The following ARHGAP28 variants were observed in gnomAD, a reference collection of about 807,000 sequenced individuals.
ARHGAP28 encodes the protein Rho GTPase activating protein 28.
In ARHGAP28, 56 loss-of-function variants were observed where a neutral mutation model predicts 90.7. The ratio of observed to expected loss-of-function variants is 0.62; its 90% CI spans 0.50 to 0.77. The LOEUF (loss-of-function observed/expected upper bound fraction) is 0.77, where lower values mean the gene tolerates loss of function less well. ARHGAP28 is among the 30% of genes least tolerant of loss of function. The pLI, the probability that ARHGAP28 is intolerant of heterozygous loss-of-function variation, is 0.00. For missense variants in ARHGAP28, 869 were observed against 900.9 expected (o/e 0.96, Z 0.45); for synonymous variants, 308 against 323.3 (o/e 0.95, Z 0.51).
At chr18:6,731,431 A>G (rs1243838334) in intron 1 of ARHGAP28, among the ~76,000 whole-genome samples, 1 of 152,138 alleles carries the variant, frequency 6.6e-6, no homozygotes, top group East Asian at 1.9e-4. Flanking sequence ...CATTTGGGCA[A>G]TTTGAAACTA....
intron 4 of ARHGAP28, among the ~76,000 whole-genome samples, chr18:6,859,446 T>C (rs1425104824): frequency 1.3e-5 from 2 of 152,218 alleles, no homozygotes; most frequent in Admixed American, 6.5e-5. Context: ...ATAAATACAC[T>C]TGGTAAAGTT....
At chr18:6,896,792 T>A (rs1378682514) in intron 16 of ARHGAP28, 166 bp downstream of exon 16, 1 of 737,716 alleles carries the variant, frequency 1.4e-6, no homozygotes, top group Non-Finnish European at 2.0e-6. Context: ...AGTTAGTAGA[T>A]ATATGATTGC....
At chr18:6,867,087 T>C (rs2143471404) in intron 5 of ARHGAP28, among the ~76,000 whole-genome samples, 1 of 152,296 alleles carries the variant, frequency 6.6e-6, no homozygotes, top group South Asian at 2.1e-4. Flanking sequence ...TTTGTCATTC[T>C]TCCACCAATT....
intron 5 of ARHGAP28, among the ~76,000 whole-genome samples, chr18:6,862,561 C>G (rs752535165): frequency 4.6e-5 from 7 of 152,188 alleles, no homozygotes; most frequent in Non-Finnish European, 1.0e-4. Flanking sequence ...ATGTCTGTCT[C>G]TATGGTTTGT....
At chr18:6,831,471 G>GTTTTTTTTTTTTTTTT (rs57331018) in intron 2 of ARHGAP28, among the ~76,000 whole-genome samples, 15 of 109,304 alleles carry the variant, frequency 1.4e-4, no homozygotes, top group African/African-American at 2.4e-4. Context: ...GTATCTTGAT[G>GTTTTTTTTTTTTTTTT]TTTTTTTTTT....
chr18:6,878,915 C>T (rs1027394422), intron 10 of ARHGAP28, among the ~76,000 whole-genome samples: 5 of 152,160 alleles, frequency 3.3e-5, no homozygotes, highest in African/African-American at 7.2e-5. Context: ...TGTAATTCAT[C>T]CACTAAACTA....
chr18:6,830,211 T>C (rs1023786935), intron 2 of ARHGAP28, among the ~76,000 whole-genome samples: 2 of 152,226 alleles, frequency 1.3e-5, no homozygotes, highest in Non-Finnish European at 2.9e-5. Flanking sequence ...TATTAGTTAT[T>C]ATAAAATATG....
intron 10 of ARHGAP28, among the ~76,000 whole-genome samples, chr18:6,881,787 G>A (rs1319785488): frequency 6.6e-6 from 1 of 152,142 alleles, no homozygotes; most frequent in African/African-American, 2.4e-5. Flanking sequence ...GAGGGGGAAC[G>A]GAGACTTTGT....
At chr18:6,807,067 C>G (rs1198354746) in intron 1 of ARHGAP28, among the ~76,000 whole-genome samples, 1 of 151,982 alleles carries the variant, frequency 6.6e-6, no homozygotes, top group Non-Finnish European at 1.5e-5. Context: ...AAGTTGATTA[C>G]GGTGCACCAT....
chr18:6,838,770 T>C (rs2056773755), intron 3 of ARHGAP28, among the ~76,000 whole-genome samples: 2 of 152,218 alleles, frequency 1.3e-5, no homozygotes, highest in Non-Finnish European at 2.9e-5. Context: ...AGTTCTGAGC[T>C]ATTTGGACTT....
intron 7 of ARHGAP28, among the ~76,000 whole-genome samples, chr18:6,871,137 G>A (rs1165116412): frequency 1.3e-5 from 2 of 152,168 alleles, no homozygotes; most frequent in African/African-American, 2.4e-5. Flanking sequence ...GTGTGCACGG[G>A]GATTTCAGCG....
chr18:6,762,983 G>A (rs971855011), intron 1 of ARHGAP28, among the ~76,000 whole-genome samples: 3 of 152,132 alleles, frequency 2.0e-5, no homozygotes, highest in Non-Finnish European at 4.4e-5. Context: ...CAGGCCAGGT[G>A]CCCTCTGATT....
intron 1 of ARHGAP28, among the ~76,000 whole-genome samples, chr18:6,744,665 G>A (rs1473812731): frequency 6.6e-6 from 1 of 152,070 alleles, no homozygotes; most frequent in South Asian, 2.1e-4. Context: ...AGTGGAGCTT[G>A]GTTTATTTCA....
chr18:6,729,797 G>T lies in ARHGAP28; in HGVS notation c.-25G>T, dbSNP rs377059441. On this transcript the variant is annotated 5_prime_UTR_variant, in exon 1 of 18. Transcript: ENST00000383472. Reference sequence around the variant, plus strand: ...TGGTCCCGGTCTTTGTTCTGGGGCCGGCGCCGAGACATGCGCGGCTGACGA... The same window carrying T: ...TGGTCCCGGTCTTTGTTCTGGGGCCTGCGCCGAGACATGCGCGGCTGACGA... The T allele has an allele frequency of 7.2e-7, 1 of 1,385,234 alleles. No individual in the cohort carries two copies. 85.8% of individuals were successfully genotyped at this position (1,385,234 alleles called of 1,614,324 possible).
intron 4 of ARHGAP28, among the ~76,000 whole-genome samples, chr18:6,858,810 C>G (rs2056974440): frequency 6.6e-6 from 1 of 151,806 alleles, no homozygotes; most frequent in African/African-American, 2.4e-5. Context: ...CAGGCGTGAG[C>G]CACCATGCCC....
intron 11 of ARHGAP28, among the ~76,000 whole-genome samples, chr18:6,886,090 G>C (rs2057218990): frequency 6.6e-6 from 1 of 152,056 alleles, no homozygotes; most frequent in African/African-American, 2.4e-5. Flanking sequence ...GTATACACTT[G>C]TCATCTACTC....
chr18:6,768,490 T>TC (rs1291563240), intron 1 of ARHGAP28, among the ~76,000 whole-genome samples: 1 of 152,140 alleles, frequency 6.6e-6, no homozygotes, highest in Non-Finnish European at 1.5e-5. Flanking sequence ...CCCCAGGTTC[T>TC]CAACAAAGAC....
At chr18:6,886,628 T>C (rs2057223609) in intron 11 of ARHGAP28, among the ~76,000 whole-genome samples, 1 of 152,196 alleles carries the variant, frequency 6.6e-6, no homozygotes, top group Non-Finnish European at 1.5e-5. Flanking sequence ...TTAATCCTCA[T>C]AACAGCCTGT....
chr18:6,837,753 C>G (rs996545613), intron 3 of ARHGAP28, among the ~76,000 whole-genome samples: 3 of 151,588 alleles, frequency 2.0e-5, no homozygotes, highest in African/African-American at 7.3e-5. Context: ...TGTGGTCGGG[C>G]AAAGGAGTCC....
Sources: gnomAD v4.1 joint callset for allele counts (sites outside exome capture counted in the v4.1 genomes callset) on GRCh38, gnomAD v4.1.1 for gene constraint, MANE v1.5 for transcripts, NCBI Gene and HGNC (gene_info 2026-07-23, HGNC 2026-07-21) for gene names.